WDR93: variants seen among roughly 807,000 people sequenced by gnomAD.
WDR93 encodes the protein WD repeat-containing protein 93.
In WDR93, 73 loss-of-function variants were observed where a neutral mutation model predicts 82.9. The ratio of observed to expected loss-of-function variants is 0.88; its 90% CI spans 0.73 to 1.07. The LOEUF is 1.07. Among genes scored for constraint, WDR93 ranks in the 50% least tolerant of loss-of-function variants. The probability of loss-of-function intolerance (pLI) is 0.00; values close to 1 mark genes in which losing one functional copy is unlikely to be tolerated. For missense variants in WDR93, 738 were observed against 826.0 expected (o/e 0.89, Z 1.31); for synonymous variants, 283 against 300.1 (o/e 0.94, Z 0.59).
chr15:89,692,670 C>T (rs766813641), intron 1 of WDR93, among the ~76,000 whole-genome samples: 4 of 152,140 alleles, frequency 2.6e-5, no homozygotes, highest in East Asian at 1.9e-4. Context: ...AGTGCAATGG[C>T]GCAATGTCAG....
At chr15:89,727,400 A>C (rs566882781) in intron 9 of WDR93, 72 bp downstream of exon 9, 89 of 1,521,292 alleles carry the variant, frequency 5.9e-5, no homozygotes, top group Non-Finnish European at 7.7e-5. Context: ...TGCAGGAATC[A>C]ACCCAGGGAC....
At chr15:89,725,787 C>T (rs1966713588) in intron 8 of WDR93, among the ~76,000 whole-genome samples, 2 of 152,042 alleles carry the variant, frequency 1.3e-5, no homozygotes, top group Admixed American at 6.6e-5. Context: ...GTCTCAAACT[C>T]CGGGGCTCAA....
intron 12 of WDR93, 72 bp from the exon 13 acceptor site, chr15:89,732,934 T>TCACA (rs1966883383): frequency 1.4e-6 from 2 of 1,404,112 alleles, no homozygotes; most frequent in Non-Finnish European, 2.0e-6. Context: ...CACTTGCTGG[T>TCACA]CACAGCCCCT....
At chr15:89,730,893 A>G (rs900612660) in intron 11 of WDR93, among the ~76,000 whole-genome samples, 1 of 152,308 alleles carries the variant, frequency 6.6e-6, no homozygotes. Context: ...CAAAAAAAAA[A>G]AAATTAATGG....
At chr15:89,739,320 A>G (rs1451735674) in intron 16 of WDR93, among the ~76,000 whole-genome samples, 1 of 152,212 alleles carries the variant, frequency 6.6e-6, no homozygotes, top group Non-Finnish European at 1.5e-5. Flanking sequence ...AGGAGACAGC[A>G]TGACCTATAA....
At chr15:89,710,390 T>C (rs4344718) in intron 4 of WDR93, among the ~76,000 whole-genome samples, 66,103 of 152,034 alleles carry the variant, frequency 0.43, 14,785 homozygotes, top group African/African-American at 0.48. Flanking sequence ...GAAATTTATC[T>C]GTGTTAGCGA....
chr15:89,725,027 A>G (rs1966678049), intron 8 of WDR93, among the ~76,000 whole-genome samples: 1 of 152,136 alleles, frequency 6.6e-6, no homozygotes, highest in Non-Finnish European at 1.5e-5. Flanking sequence ...GAGATTTTTC[A>G]GTGCTAAAAC....
At chr15:89,739,041 G>T (rs1967440103) in intron 16 of WDR93, among the ~76,000 whole-genome samples, 1 of 151,782 alleles carries the variant, frequency 6.6e-6, no homozygotes, top group Admixed American at 6.6e-5. Flanking sequence ...GCTTGAACCT[G>T]GGAGGCAGAG....
intron 7 of WDR93, chr15:89,721,076 T>G (rs561317153): frequency 5.3e-5 from 8 of 152,354 alleles, no homozygotes; most frequent in African/African-American, 1.9e-4. Flanking sequence ...ACCCTTTGAT[T>G]CCTGATAATA....
chr15:89,726,043 A>G (rs1966725555), intron 8 of WDR93, among the ~76,000 whole-genome samples: 1 of 152,242 alleles, frequency 6.6e-6, no homozygotes, highest in Admixed American at 6.5e-5. Flanking sequence ...ACTAATATGA[A>G]ATAATCTCTA....
chr15:89,727,131 C>T, intron 8 of WDR93, 26 bp from the exon 9 acceptor site: 2 of 1,608,742 alleles, frequency 1.2e-6, no homozygotes, highest in East Asian at 2.2e-5. Flanking sequence ...CATGGCTTGA[C>T]TAATTCTGTA....
At chr15:89,708,187 G>A (rs917071079) in intron 4 of WDR93, among the ~76,000 whole-genome samples, 14 of 152,230 alleles carry the variant, frequency 9.2e-5, no homozygotes. Context: ...TGTCTTGATT[G>A]TGGTGTTGGT....
At chr15:89,735,008 C>T (rs1340617624) in intron 13 of WDR93, among the ~76,000 whole-genome samples, 1 of 151,406 alleles carries the variant, frequency 6.6e-6, no homozygotes, top group Non-Finnish European at 1.5e-5. Context: ...TTCCTTCCTT[C>T]TTTCCTTCCG....
At chr15:89,742,513 T>C (rs950448766) in intron 16 of WDR93, among the ~76,000 whole-genome samples, 1 of 152,048 alleles carries the variant, frequency 6.6e-6, no homozygotes, top group Non-Finnish European at 1.5e-5. Flanking sequence ...ATGCACTTAT[T>C]ATTTTTTTTT....
At chr15:89,738,642 AAAAG>A (rs1967408774) in intron 16 of WDR93, among the ~76,000 whole-genome samples, 1 of 151,630 alleles carries the variant, frequency 6.6e-6, no homozygotes, top group East Asian at 1.9e-4. Flanking sequence ...AAAAAAAAAA[AAAAG>A]AAATTTCCCC....
chr15:89,696,676 G>A (rs1301304187), intron 1 of WDR93, among the ~76,000 whole-genome samples: 5 of 152,148 alleles, frequency 3.3e-5, no homozygotes, highest in African/African-American at 1.2e-4. Context: ...TGTATTTTTT[G>A]TATAGATGAG....
intron 1 of WDR93, among the ~76,000 whole-genome samples, chr15:89,692,437 C>A (rs1403609681): frequency 6.6e-6 from 1 of 152,144 alleles, no homozygotes; most frequent in African/African-American, 2.4e-5. Flanking sequence ...GGCAATTCTG[C>A]AAGCAATGAG....
intron 1 of WDR93, among the ~76,000 whole-genome samples, chr15:89,692,928 C>A (rs1596057799): frequency 6.6e-6 from 1 of 152,018 alleles, no homozygotes; most frequent in East Asian, 1.9e-4. Context: ...TTTATACCTA[C>A]AATTCTGCCT....
At chr15:89,732,788 C>T (rs1241474685) in intron 12 of WDR93, among the ~76,000 whole-genome samples, 1 of 152,140 alleles carries the variant, frequency 6.6e-6, no homozygotes, top group African/African-American at 2.4e-5. Flanking sequence ...TTCTCCCCCT[C>T]CCCAATTCCT....
Sources: gnomAD v4.1 joint callset for allele counts (sites outside exome capture counted in the v4.1 genomes callset) on GRCh38, gnomAD v4.1.1 for gene constraint, MANE v1.5 for transcripts, NCBI Gene and HGNC (gene_info 2026-07-23, HGNC 2026-07-21) for gene names.